The following ARHGEF6 variants were observed in gnomAD, a reference collection of about 807,000 sequenced individuals.
The protein encoded by ARHGEF6 is Rac/Cdc42 guanine nucleotide exchange factor 6.
ARHGEF6 carries 9 observed loss-of-function variants against 70.3 expected under a neutral mutation model. That is an observed-to-expected ratio of 0.13 (90% CI 0.08 to 0.22). The LOEUF (loss-of-function observed/expected upper bound fraction) is 0.22, where lower values mean the gene tolerates loss of function less well. ARHGEF6 is among the 10% of genes least tolerant of loss of function. ARHGEF6 has a pLI of 1.00. For missense variants in ARHGEF6, 470 were observed against 563.0 expected (o/e 0.83, Z 1.67); for synonymous variants, 201 against 207.8 (o/e 0.97, Z 0.28).
At chrX:136,764,467 C>T (rs1460893250) in intron 2 of ARHGEF6, among the ~76,000 whole-genome samples, 1 of 112,252 alleles carries the variant, frequency 8.9e-6, no homozygotes, top group African/African-American at 3.2e-5. Flanking sequence ...ACCACTACTA[C>T]CTGCAACAAC....
At chrX:136,751,614 G>A (rs2077151379) in intron 2 of ARHGEF6, among the ~76,000 whole-genome samples, 1 of 111,194 alleles carries the variant, frequency 9.0e-6, no homozygotes, top group Admixed American at 9.5e-5. Context: ...GATCATGAGG[G>A]CATAGCTCTC....
chrX:136,668,331 G>A (rs1402786799), intron 21 of ARHGEF6, among the ~76,000 whole-genome samples, 162 bp from the exon 22 acceptor site: 1 of 109,973 alleles, frequency 9.1e-6, no homozygotes, highest in African/African-American at 3.3e-5. Flanking sequence ...TCTCCTGCCT[G>A]TCTCTGGGAA....
At position 136,666,237 on chromosome X, in the gene ARHGEF6, G is replaced by A. The variant is rs2076160488; in HGVS notation, c.*1792C>T. On this transcript the variant is annotated 3_prime_UTR_variant, in exon 22 of 22. Transcript: ENST00000250617. ...AAAAATAGTCCATTTCCTGTGGATG[G>A]TGTAATTTCTGCTGTGCAGCAAGCA... is the stretch of plus-strand genomic sequence containing the variant. 8.9e-6 allele frequency: 1 copy of A among 112,940 alleles called. No homozygotes were observed. The highest frequency in any genetic ancestry group is 3.2e-5 in the African/African-American group (1 of 31,046). The allele number at this position is 112,940 out of a possible 1,213,427, so 9.3% of individuals were successfully genotyped here. A position where few individuals can be genotyped will look rare whatever the true frequency, so the allele number is the denominator to read the frequency against.
intron 6 of ARHGEF6, among the ~76,000 whole-genome samples, chrX:136,729,680 A>G (rs1462390619): frequency 2.8e-5 from 3 of 107,226 alleles, no homozygotes; most frequent in African/African-American, 1.0e-4. Context: ...AAATACAAAA[A>G]TTAGCTGGGC....
intron 2 of ARHGEF6, among the ~76,000 whole-genome samples, chrX:136,753,877 C>T (rs1337547491): frequency 3.6e-5 from 4 of 112,296 alleles, no homozygotes; most frequent in African/African-American, 1.3e-4. Flanking sequence ...GCCACTGCAT[C>T]GTGGCATTTG....
rs2076653804 is a variant in ARHGEF6, at chrX:136,708,783, T to A, written c.828-13A>T. The A allele has an allele frequency of 9.0e-7, 1 of 1,114,853 alleles. No homozygotes were observed. Among genetic ancestry groups the A allele is most frequent in the African/African-American group, 1.8e-5 (1 of 55,867 alleles). The allele number at this position is 1,114,853 out of a possible 1,213,427, so 91.9% of individuals were successfully genotyped here. ...CACAGTACTCAGACTGAAAAAAAAATACAGTACATGTAGTTATCTATTGTA... is the reference window on the plus strand; with the variant it reads ...CACAGTACTCAGACTGAAAAAAAAAAACAGTACATGTAGTTATCTATTGTA... On this transcript the variant is annotated splice_polypyrimidine_tract_variant and intron_variant, in intron 7 of 21. Coordinates refer to ENST00000250617, the MANE Select transcript of ARHGEF6 (RefSeq NM_004840.3).
rs747684272 is a variant in ARHGEF6 at position 136,685,566 on chromosome X, C to T, written c.1392+111G>A. ...AGGTTGCAGTGAGCCAAGATGGCAC[C>T]ACTGCACTCCAGCCTGAGTGACAGA... is the stretch of plus-strand genomic sequence containing the variant. On this transcript the variant is annotated intron_variant, in intron 12 of 21. Coordinates refer to ENST00000250617, the MANE Select transcript of ARHGEF6 (RefSeq NM_004840.3). 78 of 897,593 alleles carry T rather than the reference C, an allele frequency of 8.7e-5. No individual in the cohort carries two copies. The South Asian group carries it at 1.3e-3, about 15-fold the overall frequency. 74.0% of individuals were successfully genotyped at this position (897,593 alleles called of 1,213,427 possible). A position where few individuals can be genotyped will look rare whatever the true frequency, so the allele number is the denominator to read the frequency against.
intron 9 of ARHGEF6, 30 bp from the exon 10 acceptor site, chrX:136,690,778 C>T: frequency 8.5e-7 from 1 of 1,176,925 alleles, no homozygotes; most frequent in Non-Finnish European, 1.2e-6. Context: ...AATTTTGTTA[C>T]TGTTGAATAT....
intron 9 of ARHGEF6, among the ~76,000 whole-genome samples, chrX:136,705,971 C>T (rs1402524034): frequency 8.9e-6 from 1 of 112,313 alleles, no homozygotes; most frequent in East Asian, 2.8e-4. Context: ...TATTTTCAGT[C>T]TTGAACAGCT....
rs1381790808 is a variant in ARHGEF6, at chrX:136,675,079, C to T, written c.1963G>A (p.Glu655Lys). The change falls in exon 19 of 22, where the codon GAG becomes AAG. Residue 655 changes from glutamate to lysine, a missense_variant. Transcript: ENST00000250617. ...ATCACTTTAAGGATTTGAGCATCCT[C>T]TTCCAGAGCAGCTGTACCTGTGAAA... ...VIRKSTAALE[E>K]DAQILKVIEA... is the part of the protein sequence containing the mutation. 9.1e-6 allele frequency: 11 copies of T among 1,210,696 alleles called. No homozygotes were observed. The highest frequency in any genetic ancestry group is 1.7e-5 in the African/African-American group (1 of 57,832).
In ARHGEF6 at chrX:136,667,795, GA is replaced by G. The variant is rs1232571482; in HGVS notation, c.*233del. ...ACCACTTCCTGCTTTTTCACCTGTTGAAAAAAAAAATGAACAACCAACCAAT... is the reference window on the plus strand; with the variant it reads ...ACCACTTCCTGCTTTTTCACCTGTTGAAAAAAAAATGAACAACCAACCAAT... On this transcript the variant is annotated 3_prime_UTR_variant, in exon 22 of 22. Coordinates refer to ENST00000250617, the MANE Select transcript of ARHGEF6 (RefSeq NM_004840.3). 304 of 387,262 alleles carry G rather than the reference GA, an allele frequency of 7.8e-4. No individual in the cohort carries two copies. The highest frequency in any genetic ancestry group is 2.2e-3 in the Middle Eastern group (3 of 1,379). The allele number at this position is 387,262 out of a possible 1,213,427, so 31.9% of individuals were successfully genotyped here. A position where few individuals can be genotyped will look rare whatever the true frequency, so the allele number is the denominator to read the frequency against.
At chrX:136,682,638 G>A (rs1481103063) in intron 13 of ARHGEF6, 120 bp downstream of exon 13, 3 of 552,862 alleles carry the variant, frequency 5.4e-6, no homozygotes, top group Non-Finnish European at 9.5e-6. Context: ...ACAATGAAGG[G>A]TCAGAACATT....
intron 3 of ARHGEF6, 123 bp from the exon 4 acceptor site, chrX:136,745,470 T>C (rs1205165699): frequency 2.2e-6 from 2 of 909,240 alleles, no homozygotes. Flanking sequence ...ACTGTTATCA[T>C]TATGAACATG....
intron 11 of ARHGEF6, among the ~76,000 whole-genome samples, chrX:136,686,398 T>C (rs2076386366): frequency 1.8e-5 from 2 of 108,324 alleles, no homozygotes; most frequent in African/African-American, 6.7e-5. Context: ...TAGGCACTGC[T>C]GTACTTTGTT....
chrX:136,680,297 G>A (rs1389609585), intron 15 of ARHGEF6, among the ~76,000 whole-genome samples: 2 of 112,758 alleles, frequency 1.8e-5, no homozygotes, highest in African/African-American at 6.4e-5. Context: ...GTTTACCTTT[G>A]AAGAAGGTTA....
At chrX:136,729,690 C>T (rs1335081486) in intron 6 of ARHGEF6, among the ~76,000 whole-genome samples, 5 of 104,491 alleles carry the variant, frequency 4.8e-5, no homozygotes, top group African/African-American at 1.7e-4. Context: ...ATTAGCTGGG[C>T]GTGGTGGCGC....
rs2077440953 is a variant in ARHGEF6, at chrX:136,780,772, A to G, written c.111T>C (p.Asn37=). 1 of 1,210,709 alleles carries G rather than the reference A, an allele frequency of 8.3e-7. No homozygotes were observed. The highest frequency in any genetic ancestry group is 1.1e-6 in the Non-Finnish European group (1 of 895,210). The change falls in exon 1 of 22, where the codon AAT becomes AAC. Residue 37 remains asparagine, a synonymous_variant. Coordinates refer to ENST00000250617, the MANE Select transcript of ARHGEF6 (RefSeq NM_004840.3). Reference sequence around the variant, plus strand: ...TGATCAGTTTGCACAGAACTACCCCATTTTTCAGCGAGGACTTTAAAAACT... The same window carrying G: ...TGATCAGTTTGCACAGAACTACCCCGTTTTTCAGCGAGGACTTTAAAAACT... ...PEEFLKSSLK[N]GVVLCKLINR...
intron 2 of ARHGEF6, among the ~76,000 whole-genome samples, chrX:136,763,453 T>TTC (rs2077282558): frequency 8.9e-6 from 1 of 112,230 alleles, no homozygotes; most frequent in South Asian, 3.7e-4. Flanking sequence ...TACTCAGTCA[T>TTC]TCTATCAATC....
rs748176988 is a variant in ARHGEF6 at position 136,780,801 on chromosome X, C to G, written c.82G>C (p.Glu28Gln). The part of the protein sequence containing the change: ...ESPKKTICDP[E>Q]EFLKSSLKNG... ...TTCAGCGAGGACTTTAAAAACTCCTCCGGATCACAGATGGTCTTTTTAGGG... is the reference window on the plus strand; with the variant it reads ...TTCAGCGAGGACTTTAAAAACTCCTGCGGATCACAGATGGTCTTTTTAGGG... The change falls in exon 1 of 22, where the codon GAG (glutamate) becomes CAG (glutamine). Residue 28 changes from glutamate to glutamine, a missense_variant. This residue lies in a region of ARHGEF6 where 379 missense variants were observed against 449.3 expected (regional missense o/e 0.84). Transcript: ENST00000250617. The G allele has an allele frequency of 8.3e-7, 1 of 1,209,019 alleles. No individual in the cohort carries two copies. Among genetic ancestry groups the G allele is most frequent in the African/African-American group, 1.8e-5 (1 of 56,885 alleles).
Sources: gnomAD v4.1 joint callset for allele counts (sites outside exome capture counted in the v4.1 genomes callset) on GRCh38, gnomAD v4.1.1 for gene constraint, gnomAD v4.1.1 regional missense constraint, MANE v1.5 for transcripts, NCBI Gene and HGNC (gene_info 2026-07-23, HGNC 2026-07-21) for gene names.